Variants in NKAIN2 observed in about 807,000 individuals in gnomAD.
NKAIN2 encodes the protein sodium/potassium transporting ATPase interacting 2.
In NKAIN2, 14 loss-of-function variants were observed where a neutral mutation model predicts 32.6. The observed-to-expected ratio is 0.43, with a 90% CI of 0.28 to 0.67. NKAIN2 has a LOEUF of 0.67. Ranked by LOEUF, NKAIN2 falls within the 30% of genes least tolerant of loss-of-function variation. NKAIN2 has a pLI of 0.17. For missense variants in NKAIN2, 198 were observed against 258.3 expected (o/e 0.77, Z 1.60); for synonymous variants, 80 against 87.2 (o/e 0.92, Z 0.46).
At chr6:123,953,008 A>G (rs543572938) in intron 1 of NKAIN2, among the ~76,000 whole-genome samples, 1 of 152,090 alleles carries the variant, frequency 6.6e-6, no homozygotes, top group Non-Finnish European at 1.5e-5. Context: ...ACTTCTTTCA[A>G]TATTCTGAAT....
chr6:123,847,329 T>G (rs1775134800), intron 1 of NKAIN2, among the ~76,000 whole-genome samples: 1 of 151,924 alleles, frequency 6.6e-6, no homozygotes, highest in African/African-American at 2.4e-5. Context: ...ATATTAAATC[T>G]TTCAGCCAAA....
At chr6:124,161,719 C>A (rs1395265409) in intron 1 of NKAIN2, among the ~76,000 whole-genome samples, 2 of 152,056 alleles carry the variant, frequency 1.3e-5, no homozygotes, top group Non-Finnish European at 2.9e-5. Context: ...CACATGTTCT[C>A]ACTTATAAGT....
At chr6:123,930,255 C>T (rs1165259459) in intron 1 of NKAIN2, among the ~76,000 whole-genome samples, 1 of 152,060 alleles carries the variant, frequency 6.6e-6, no homozygotes, top group Non-Finnish European at 1.5e-5. Flanking sequence ...TTTAAAAAAT[C>T]CATTTTCAGC....
chr6:124,796,971 G>A (rs556923338), intron 5 of NKAIN2, among the ~76,000 whole-genome samples: 1 of 152,086 alleles, frequency 6.6e-6, no homozygotes, highest in Admixed American at 6.5e-5. Flanking sequence ...AATGTTTGGA[G>A]ATTCCTGGTC....
chr6:124,804,651 G>A (rs1390356310), intron 5 of NKAIN2: 2 of 152,406 alleles, frequency 1.3e-5, no homozygotes, highest in Non-Finnish European at 2.9e-5. Context: ...GCAGGTCAGT[G>A]GGTGCAGCGC....
At chr6:124,645,512 A>G (rs1784136965) in intron 3 of NKAIN2, among the ~76,000 whole-genome samples, 2 of 152,196 alleles carry the variant, frequency 1.3e-5, no homozygotes, top group African/African-American at 4.8e-5. Context: ...TTCAGCCCCA[A>G]AATGCTGTGG....
In NKAIN2 at chr6:124,234,319, A is replaced by G. The variant is rs189598869; in HGVS notation, c.55-48686A>G. On this transcript the variant is annotated intron_variant, in intron 1 of 6. Coordinates refer to ENST00000368417, the MANE Select transcript of NKAIN2 (RefSeq NM_001040214.3). ...CCAGGAAAATAATCTAATTCAACAT[A>G]AACTTTATGAATAATCCATTTGGAT... Among the ~76,000 whole-genome samples, 349 of 152,282 alleles carry G rather than the reference A, an allele frequency of 2.3e-3. 3 individuals carry two copies. Among genetic ancestry groups the G allele is most frequent in the African/African-American group, 7.8e-3 (326 of 41,564 alleles).
At position 124,249,968 on chromosome 6, in the gene NKAIN2, G is replaced by A. The variant is rs138479807; in HGVS notation, c.55-33037G>A. ...CTTGATCTTGGTACTAGGATAAGGG[G>A]GACAGGTGTATTTTGAGAATTCATG... On this transcript the variant is annotated intron_variant, in intron 1 of 6. Transcript: ENST00000368417. 5.2e-3 allele frequency among the ~76,000 whole-genome samples: 797 copies of A among 152,178 alleles called. 11 individuals are homozygous for A. Among genetic ancestry groups the A allele is most frequent in the African/African-American group, 0.019 (782 of 41,540 alleles).
intron 1 of NKAIN2, among the ~76,000 whole-genome samples, chr6:124,143,698 A>C (rs1259436741): frequency 6.6e-6 from 1 of 152,200 alleles, no homozygotes; most frequent in Non-Finnish European, 1.5e-5. Flanking sequence ...ACAAGACAAC[A>C]TAATGTAATG....
chr6:124,627,638 T>G (rs939693494), intron 3 of NKAIN2, among the ~76,000 whole-genome samples: 5 of 152,174 alleles, frequency 3.3e-5, no homozygotes, highest in Non-Finnish European at 7.3e-5. Flanking sequence ...GTCTGAATTC[T>G]TAGTCATCCT....
intron 3 of NKAIN2, among the ~76,000 whole-genome samples, chr6:124,553,656 C>T (rs996807315): frequency 6.6e-6 from 1 of 152,104 alleles, no homozygotes; most frequent in Non-Finnish European, 1.5e-5. Flanking sequence ...CACAGAAACC[C>T]GAGGAAGTAT....
chr6:124,582,547 A>G (rs995747815), intron 3 of NKAIN2, among the ~76,000 whole-genome samples: 1 of 152,168 alleles, frequency 6.6e-6, no homozygotes, highest in African/African-American at 2.4e-5. Flanking sequence ...AAGAACTAAT[A>G]TCAATGCTAC....
intron 1 of NKAIN2, among the ~76,000 whole-genome samples, chr6:124,197,530 C>G (rs913918675): frequency 2.6e-5 from 4 of 152,128 alleles, no homozygotes; most frequent in African/African-American, 9.7e-5. Flanking sequence ...CTAATAGAAG[C>G]TTTCTATACC....
intron 3 of NKAIN2, among the ~76,000 whole-genome samples, chr6:124,375,377 C>CTATATA (rs918498759): frequency 4.2e-5 from 6 of 144,288 alleles, no homozygotes; most frequent in African/African-American, 1.5e-4. Context: ...TAGGTACTCA[C>CTATATA]TATATATATA....
chr6:124,467,458 T>C (rs565267467), intron 3 of NKAIN2, among the ~76,000 whole-genome samples: 1 of 152,264 alleles, frequency 6.6e-6, no homozygotes, highest in East Asian at 1.9e-4. Context: ...TTACATGTTT[T>C]ACATGCTTCA....
At chr6:124,206,678 T>C (rs802229) in intron 1 of NKAIN2, among the ~76,000 whole-genome samples, 104,767 of 151,722 alleles carry the variant, frequency 0.69, 36,398 homozygotes, top group South Asian at 0.76. Flanking sequence ...GCTGCCCGTG[T>C]TCACAATTTA....
At chr6:124,037,410 A>G (rs1229126800) in intron 1 of NKAIN2, among the ~76,000 whole-genome samples, 3 of 152,142 alleles carry the variant, frequency 2.0e-5, no homozygotes, top group Admixed American at 1.3e-4. Flanking sequence ...AATGTCATAA[A>G]TTAGCACCAG....
At chr6:124,353,899 T>C (rs927671198) in intron 2 of NKAIN2, among the ~76,000 whole-genome samples, 1 of 152,154 alleles carries the variant, frequency 6.6e-6, no homozygotes, top group Non-Finnish European at 1.5e-5. Context: ...ATCATGATCA[T>C]GATCATGGAG....
chr6:123,913,951 G>A (rs1293209465), intron 1 of NKAIN2, among the ~76,000 whole-genome samples: 10 of 152,000 alleles, frequency 6.6e-5, no homozygotes, highest in African/African-American at 2.2e-4. Context: ...TTTACTATGT[G>A]CCTGGTGCCA....
Sources: allele counts gnomAD v4.1 joint callset (sites outside exome capture counted in the v4.1 genomes callset), GRCh38; gene constraint gnomAD v4.1.1; transcripts MANE v1.5; gene names NCBI Gene and HGNC (gene_info 2026-07-23, HGNC 2026-07-21).